Variants in SEMA3D observed in about 807,000 individuals in gnomAD.
SEMA3D encodes the protein semaphorin-3D.
A neutral mutation model predicts 100.1 loss-of-function variants in SEMA3D; 84 were observed. The observed-to-expected ratio is 0.84, with a 90% CI of 0.70 to 1.01. The LOEUF (loss-of-function observed/expected upper bound fraction) is 1.01. Ranked by LOEUF, SEMA3D falls within the 50% of genes least tolerant of loss-of-function variation. The pLI, the probability that SEMA3D is intolerant of heterozygous loss-of-function variation, is 0.00. For missense variants in SEMA3D, 875 were observed against 934.1 expected, an observed-to-expected ratio of 0.94 and a Z score of 0.82; for synonymous variants, 312 against 320.7, an observed-to-expected ratio of 0.97 and a Z score of 0.29.
chr7:85,137,255 G>T (rs200506307), intron 2 of SEMA3D, among the ~76,000 whole-genome samples: 2 of 151,456 alleles, frequency 1.3e-5, no homozygotes, highest in African/African-American at 4.9e-5. Flanking sequence ...TACATAAAAG[G>T]CATATATGAT....
At chr7:85,190,750 A>G (rs1006050327), upstream of SEMA3D, among the ~76,000 whole-genome samples, 1 of 152,138 alleles carries the variant, frequency 6.6e-6, no homozygotes, top group African/African-American at 2.4e-5. Context: ...AAAGACAGAA[A>G]ACAGTTTATC....
In SEMA3D at chr7:84,999,606, G is replaced by C. The variant is rs761812017; in HGVS notation, c.2168C>G (p.Pro723Arg). 1 of 1,614,036 alleles carries C rather than the reference G, an allele frequency of 6.2e-7. No homozygotes were observed. Among genetic ancestry groups the C allele is most frequent in the South Asian group, 1.1e-5 (1 of 91,074 alleles). The part of the protein sequence containing the change: ...YKDYIQILSS[P>R]NFSLDQYCEQ... ...GCAGTACTGGTCGAGGCTGAAGTTT[G>C]GGCTGCTAAGGATTTGGATGTAGTC... Residue 723 changes from proline to arginine, a missense_variant, in exon 19 of 19, where the codon CCA becomes CGA. By Grantham distance (103) the Pro-to-Arg change is moderately radical. Coordinates refer to ENST00000284136, the MANE Select transcript of SEMA3D (RefSeq NM_001384900.1).
At chr7:85,205,359 T>C in the SEMA3D span, among the ~76,000 whole-genome samples, 2 of 152,190 alleles carry the variant, frequency 1.3e-5, no homozygotes, top group African/African-American at 2.4e-5. Flanking sequence ...GATGAGGTGA[T>C]GGATACGCTA....
chr7:85,012,848 T>C lies in SEMA3D; in HGVS notation c.1704-2A>G. ...TTTACATCTTGGCGTCTAGCTCTCC[T>C]GCGGAAAGGGGATTAAACTTATTAG... On this transcript the variant is annotated splice_acceptor_variant, in intron 16 of 18. Transcript: ENST00000284136. LOFTEE classifies it high-confidence loss of function. 6.2e-7 allele frequency: 1 copy of C among 1,609,556 alleles called. No individual in the cohort carries two copies. The highest frequency in any genetic ancestry group is 8.5e-7 in the Non-Finnish European group (1 of 1,176,794).
the SEMA3D span, among the ~76,000 whole-genome samples, chr7:85,243,298 TG>T: frequency 6.6e-6 from 1 of 152,214 alleles, no homozygotes; most frequent in South Asian, 2.1e-4. Context: ...TGTTATTCTC[TG>T]TGAGGTCCTG....
At position 85,049,936 on chromosome 7, in the gene SEMA3D, T is replaced by C. The variant is rs57948301; in HGVS notation, c.861+5781A>G. 6.8e-3 allele frequency among the ~76,000 whole-genome samples: 1,034 copies of C among 151,930 alleles called. 9 individuals are homozygous for C. Among genetic ancestry groups the C allele is most frequent in the African/African-American group, 0.024 (990 of 41,468 alleles). ...AATCTGGAGTAGACTTGCATAAGTA[T>C]AATGGGCAGCTCTTCCAAAAATGAA... On this transcript the variant is annotated intron_variant, in intron 9 of 18. Transcript: ENST00000284136.
rs766159940 is a variant in SEMA3D at position 85,036,957 on chromosome 7, G to A, written c.1123C>T (p.His375Tyr). The A allele has an allele frequency of 2.7e-5, 43 of 1,613,204 alleles. No homozygotes were observed. Among genetic ancestry groups the A allele is most frequent in the Non-Finnish European group, 3.4e-5 (40 of 1,179,508 alleles). ...IRAVFNGPYAHKESADHRWVQ... is the reference protein window; with the variant it reads ...IRAVFNGPYAYKESADHRWVQ... ...CAACGATGGTCTGCACTTTCCTTAT[G>A]AGCATATGGACCATTAAAAACTGCT... The change falls in exon 12 of 19, where the codon CAT (histidine) becomes TAT (tyrosine). Residue 375 changes from histidine to tyrosine, a missense_variant. His to Tyr is a moderately conservative substitution (Grantham distance 83). Coordinates refer to ENST00000284136, the MANE Select transcript of SEMA3D (RefSeq NM_001384900.1).
At chr7:85,243,722 G>A in the SEMA3D span, among the ~76,000 whole-genome samples, 2,011 of 152,246 alleles carry the variant, frequency 0.013, 46 homozygotes, top group African/African-American at 0.046. Flanking sequence ...GAAATGTGAA[G>A]TCTACGGAAT....
intron 3 of SEMA3D, among the ~76,000 whole-genome samples, chr7:85,119,277 A>T (rs1322527623): frequency 6.6e-6 from 1 of 152,338 alleles, no homozygotes; most frequent in Non-Finnish European, 1.5e-5. Flanking sequence ...ATATACCCCC[A>T]AAATATAAAT....
At chr7:85,024,949 A>G (rs1790352765) in intron 12 of SEMA3D, among the ~76,000 whole-genome samples, 1 of 152,022 alleles carries the variant, frequency 6.6e-6, no homozygotes, top group African/African-American at 2.4e-5. Flanking sequence ...AAATTTCGTA[A>G]AAGAAAAGAG....
intron 1 of SEMA3D, chr7:85,181,881 AATC>A (rs1322562498): frequency 3.5e-6 from 1 of 284,664 alleles, no homozygotes; most frequent in African/African-American, 2.3e-5. Flanking sequence ...ATGGATTGAA[AATC>A]ATCAAAATTA....
chr7:85,160,545 T>G lies in SEMA3D; in HGVS notation c.-172-6806A>C, dbSNP rs1012195903. Among the ~76,000 whole-genome samples the G allele has an allele frequency of 2.7e-4, 41 of 152,130 alleles. 1 individual carries two copies. Among genetic ancestry groups the G allele is most frequent in the Non-Finnish European group, 8.8e-5 (6 of 68,020 alleles). ...GATGCGGTTTGCCTGACTCTCTGCCTGTAGAAACACGCATCATCATTCTAA... is the reference window on the plus strand; with the variant it reads ...GATGCGGTTTGCCTGACTCTCTGCCGGTAGAAACACGCATCATCATTCTAA... On this transcript the variant is annotated intron_variant, in intron 1 of 18. Coordinates refer to ENST00000284136, the MANE Select transcript of SEMA3D (RefSeq NM_001384900.1).
chr7:85,021,459 T>C (rs1283934003), intron 13 of SEMA3D, among the ~76,000 whole-genome samples: 1 of 151,818 alleles, frequency 6.6e-6, no homozygotes, highest in Non-Finnish European at 1.5e-5. Flanking sequence ...TTCTGGTTTG[T>C]GGAATTGCCA....
chr7:85,080,164 A>T (rs550698676), intron 5 of SEMA3D, among the ~76,000 whole-genome samples: 50 of 152,262 alleles, frequency 3.3e-4, no homozygotes, highest in Non-Finnish European at 5.7e-4. Flanking sequence ...GTTTTGTTTC[A>T]TTTCAACTAT....
intron 11 of SEMA3D, 39 bp downstream of exon 11, chr7:85,040,634 C>A: frequency 2.0e-6 from 2 of 997,296 alleles, no homozygotes; most frequent in African/African-American, 1.6e-5. Context: ...CATACATATA[C>A]AATTCTCTGA....
At chr7:85,040,889 GATTGTTTTT>G in intron 10 of SEMA3D, 147 bp from the exon 11 acceptor site, 1 of 547,604 alleles carries the variant, frequency 1.8e-6, no homozygotes. Flanking sequence ...TCAAATATAA[GATTGTTTTT>G]TCTCAATGAC....
intron 7 of SEMA3D, among the ~76,000 whole-genome samples, chr7:85,067,489 T>C (rs554227040): frequency 8.5e-5 from 13 of 152,330 alleles, no homozygotes; most frequent in African/African-American, 1.2e-4. Context: ...TTCACTCTTA[T>C]CGTCTATTCA....
intron 4 of SEMA3D, 58 bp from the exon 5 acceptor site, chr7:85,081,637 G>C (rs2116234315): frequency 8.9e-7 from 1 of 1,126,920 alleles, no homozygotes; most frequent in African/African-American, 1.5e-5. Context: ...CTAACACTCT[G>C]CAATTCTGCT....
chr7:85,081,097 A>G (rs1226829845), intron 5 of SEMA3D, among the ~76,000 whole-genome samples: 2 of 152,044 alleles, frequency 1.3e-5, no homozygotes, highest in African/African-American at 4.8e-5. Flanking sequence ...TTTAATTTGA[A>G]CTCAGTTGAA....
Sources: allele counts gnomAD v4.1 joint callset (sites outside exome capture counted in the v4.1 genomes callset), GRCh38; gene constraint gnomAD v4.1.1; transcripts MANE v1.5; gene names NCBI Gene and HGNC (gene_info 2026-07-23, HGNC 2026-07-21).